Variants in GABRA3 observed in about 807,000 individuals in gnomAD.
GABRA3 encodes gamma-aminobutyric acid type A receptor subunit alpha3.
GABRA3 carries 10 observed loss-of-function variants against 30.1 expected under a neutral mutation model. That is an observed-to-expected ratio of 0.33 (90% CI 0.20 to 0.56). GABRA3 has a LOEUF of 0.56. Among genes scored for constraint, GABRA3 ranks in the 20% least tolerant of loss-of-function variants. GABRA3 has a pLI of 0.89. For missense variants in GABRA3, 233 were observed against 392.0 expected (o/e 0.59, Z 3.42); for synonymous variants, 151 against 146.8 (o/e 1.03, Z -0.21).
At chrX:152,371,588 G>GA (rs34900966) in intron 1 of GABRA3, among the ~76,000 whole-genome samples, 56 of 107,563 alleles carry the variant, frequency 5.2e-4, no homozygotes, top group Admixed American at 1.4e-3. Context: ...CGATCATTTT[G>GA]AAAAAAAAAT....
At chrX:152,227,485 G>A (rs55824476) in intron 5 of GABRA3, among the ~76,000 whole-genome samples, 2,292 of 105,929 alleles carry the variant, frequency 0.022, 43 homozygotes, top group Middle Eastern at 0.064. Context: ...ATACATATGT[G>A]ACTAACCTGC....
chrX:152,401,242 G>T (rs1929786068), intron 1 of GABRA3, among the ~76,000 whole-genome samples: 1 of 100,335 alleles, frequency 1.0e-5, no homozygotes, highest in African/African-American at 3.7e-5. Flanking sequence ...TCTTTCTTTT[G>T]GAATGTGTGA....
At chrX:152,381,711 C>G (rs1929149573) in intron 1 of GABRA3, among the ~76,000 whole-genome samples, 2 of 109,388 alleles carry the variant, frequency 1.8e-5, no homozygotes, top group African/African-American at 6.7e-5. Context: ...CCCCCCCACC[C>G]ACCAACGGGC....
intron 5 of GABRA3, among the ~76,000 whole-genome samples, chrX:152,229,709 T>A (rs1938030607): frequency 9.1e-6 from 1 of 110,492 alleles, no homozygotes; most frequent in Non-Finnish European, 1.9e-5. Context: ...CTATGTGGCA[T>A]AAACTAGATA....
intron 1 of GABRA3, among the ~76,000 whole-genome samples, chrX:152,404,721 C>A (rs1216411006): frequency 9.9e-6 from 1 of 100,862 alleles, no homozygotes; most frequent in Non-Finnish European, 2.0e-5. Flanking sequence ...AGCAGGAGAG[C>A]CAGGAAGTCA....
chrX:152,252,086 C>T (rs987506163), intron 5 of GABRA3, among the ~76,000 whole-genome samples: 1 of 111,080 alleles, frequency 9.0e-6, no homozygotes, highest in Non-Finnish European at 1.9e-5. Flanking sequence ...TCAATCTCTC[C>T]TCTGAAAACA....
intron 3 of GABRA3, among the ~76,000 whole-genome samples, chrX:152,301,488 G>GT (rs1278933349): frequency 8.9e-6 from 1 of 111,743 alleles, no homozygotes; most frequent in East Asian, 2.8e-4. Context: ...CTTTAAAATA[G>GT]TTATGACTTG....
chrX:152,254,559 C>T (rs1208800615), intron 5 of GABRA3, among the ~76,000 whole-genome samples: 2 of 110,743 alleles, frequency 1.8e-5, no homozygotes, highest in East Asian at 5.7e-4. Flanking sequence ...ACTCTATGCT[C>T]ATTTCTCCTC....
At chrX:152,200,352 G>T (rs775109887) in intron 7 of GABRA3, among the ~76,000 whole-genome samples, 1 of 111,991 alleles carries the variant, frequency 8.9e-6, no homozygotes, top group East Asian at 2.8e-4. Context: ...GGTCATCCAA[G>T]GCTCAATATA....
chrX:152,368,987 A>G (rs572562531), intron 1 of GABRA3, among the ~76,000 whole-genome samples: 186 of 111,377 alleles, frequency 1.7e-3, no homozygotes, highest in Admixed American at 5.4e-3. Context: ...TTACAGGCGT[A>G]AGCCACCGCG....
At chrX:152,286,349 T>C (rs1174671884) in intron 3 of GABRA3, among the ~76,000 whole-genome samples, 3 of 109,148 alleles carry the variant, frequency 2.7e-5, no homozygotes, top group Non-Finnish European at 5.7e-5. Context: ...AGGCAGGCTA[T>C]CCCAGCCTTG....
intron 6 of GABRA3, among the ~76,000 whole-genome samples, chrX:152,214,211 G>T (rs1937675296): frequency 9.0e-6 from 1 of 111,239 alleles, no homozygotes; most frequent in Non-Finnish European, 1.9e-5. Flanking sequence ...TAGGATAGTG[G>T]CCTCTAGTTC....
intron 2 of GABRA3, among the ~76,000 whole-genome samples, chrX:152,357,900 C>T (rs1239523676): frequency 1.8e-5 from 2 of 110,636 alleles, no homozygotes; most frequent in African/African-American, 6.6e-5. Flanking sequence ...TATTCGGTTC[C>T]CTTGGTCTAG....
chrX:152,387,748 C>T (rs1438979055), intron 1 of GABRA3, among the ~76,000 whole-genome samples: 1 of 111,636 alleles, frequency 9.0e-6, no homozygotes, highest in Non-Finnish European at 1.9e-5. Context: ...ATCACTCCAC[C>T]TATCAAATGA....
At position 152,384,557 on chromosome X, in the gene GABRA3, T is replaced by A. The variant is rs372161474; in HGVS notation, c.-26-19961A>T. ...AAATGGTTGTAGGACAATTTGCTAT[T>A]TTCAAAATTTATACAAAATTAAATT... On this transcript the variant is annotated intron_variant, in intron 1 of 9. Transcript: ENST00000370314. 1.9e-4 allele frequency among the ~76,000 whole-genome samples: 21 copies of A among 112,049 alleles called. No homozygotes were observed. In the East Asian group the frequency reaches 4.5e-3, roughly 24 times the overall value.
At chrX:152,311,031 C>T (rs1049106128) in intron 3 of GABRA3, among the ~76,000 whole-genome samples, 1 of 111,030 alleles carries the variant, frequency 9.0e-6, no homozygotes, top group Non-Finnish European at 1.9e-5. Context: ...AAACCCTGAG[C>T]AAATCAATAA....
intron 1 of GABRA3, among the ~76,000 whole-genome samples, chrX:152,375,744 C>T (rs1003347649): frequency 8.9e-6 from 1 of 112,081 alleles, no homozygotes; most frequent in African/African-American, 3.2e-5. Flanking sequence ...TTTCCAATAC[C>T]AGCATTCTTC....
intron 2 of GABRA3, among the ~76,000 whole-genome samples, chrX:152,355,179 G>A (rs6526103): frequency 0.12 from 13,406 of 110,806 alleles, 678 homozygotes; most frequent in African/African-American, 0.17. Context: ...ACCACCATAT[G>A]ATGTTGATGC....
chrX:152,270,942 G>A (rs1478685689), intron 4 of GABRA3, among the ~76,000 whole-genome samples: 5 of 106,314 alleles, frequency 4.7e-5, no homozygotes, highest in Non-Finnish European at 7.7e-5. Context: ...ATGTGGGAAT[G>A]TTTGGATCTT....
Sources: gnomAD v4.1 joint callset for allele counts (sites outside exome capture counted in the v4.1 genomes callset) on GRCh38, gnomAD v4.1.1 for gene constraint, MANE v1.5 for transcripts, NCBI Gene and HGNC (gene_info 2026-07-23, HGNC 2026-07-21) for gene names.